The following ENAH variants were observed in gnomAD, a reference collection of about 807,000 sequenced individuals.
The protein encoded by ENAH is ENAH actin regulator.
A neutral mutation model predicts 78.7 loss-of-function variants in ENAH; 23 were observed. That is an observed-to-expected ratio of 0.29 (90% CI 0.21 to 0.41). The LOEUF (loss-of-function observed/expected upper bound fraction) is 0.41. Ranked by LOEUF, ENAH falls within the 10% of genes least tolerant of loss-of-function variation. The pLI, the probability that ENAH is intolerant of heterozygous loss-of-function variation, is 1.00. For missense variants in ENAH, 544 were observed against 691.0 expected (o/e 0.79, Z 2.39); for synonymous variants, 226 against 241.0 (o/e 0.94, Z 0.58).
At chr1:225,514,470 T>C (rs2096401672) in intron 7 of ENAH, 126 bp downstream of exon 7, 1 of 885,228 alleles carries the variant, frequency 1.1e-6, no homozygotes, top group African/African-American at 1.7e-5. Context: ...CCAGGGTAAA[T>C]TATTTCAATT....
chr1:225,650,905 T>G (rs1662872631), intron 1 of ENAH, among the ~76,000 whole-genome samples: 1 of 148,354 alleles, frequency 6.7e-6, no homozygotes, highest in Non-Finnish European at 1.5e-5. Context: ...TTTCTCAATG[T>G]TAAGATAAGT....
intron 3 of ENAH, among the ~76,000 whole-genome samples, chr1:225,549,457 C>G (rs772571218): frequency 6.6e-6 from 1 of 152,150 alleles, no homozygotes; most frequent in African/African-American, 2.4e-5. Flanking sequence ...TTCTCTCCTT[C>G]CCGGCCTGCC....
chr1:225,540,177 T>G (rs2151319621), intron 3 of ENAH, among the ~76,000 whole-genome samples: 1 of 152,310 alleles, frequency 6.6e-6, no homozygotes, highest in Non-Finnish European at 1.5e-5. Context: ...TCTTTCACTC[T>G]GGATGCGAGT....
chr1:225,514,932 A>G, intron 6 of ENAH, 32 bp from the exon 7 acceptor site: 1 of 1,552,802 alleles, frequency 6.4e-7, no homozygotes. Context: ...TAAGACCATC[A>G]ACAATAGAGC....
chr1:225,512,619 A>G (rs376296286), intron 9 of ENAH, 38 bp downstream of exon 9: 5 of 1,580,724 alleles, frequency 3.2e-6, no homozygotes, highest in Admixed American at 1.8e-5. Flanking sequence ...CCTGAATTCC[A>G]TATTTTAAGG....
At chr1:225,584,978 G>C (rs2096837819) in intron 1 of ENAH, among the ~76,000 whole-genome samples, 1 of 152,080 alleles carries the variant, frequency 6.6e-6, no homozygotes, top group Non-Finnish European at 1.5e-5. Context: ...ACTTTGAGAG[G>C]CTGAGGCAGG....
At chr1:225,516,676 C>A (rs1222657736) in intron 6 of ENAH, among the ~76,000 whole-genome samples, 1 of 152,036 alleles carries the variant, frequency 6.6e-6, no homozygotes, top group Non-Finnish European at 1.5e-5. Flanking sequence ...GAGTTCAAGA[C>A]CAGCCTGGCC....
chr1:225,550,735 C>T (rs1040205048), intron 3 of ENAH, among the ~76,000 whole-genome samples: 2 of 151,778 alleles, frequency 1.3e-5, no homozygotes, highest in African/African-American at 4.8e-5. Context: ...TTCTCATGTT[C>T]AATAGATTAA....
intron 2 of ENAH, among the ~76,000 whole-genome samples, chr1:225,566,193 A>G (rs1242972664): frequency 6.6e-6 from 1 of 152,190 alleles, no homozygotes; most frequent in East Asian, 1.9e-4. Context: ...CTGTGCTGAT[A>G]GAAGGATTTC....
chr1:225,587,284 T>C (rs2096852184), intron 1 of ENAH, among the ~76,000 whole-genome samples: 1 of 152,172 alleles, frequency 6.6e-6, no homozygotes, highest in Non-Finnish European at 1.5e-5. Context: ...TGGAAAATCC[T>C]AAGGAATCTA....
chr1:225,562,675 A>G (rs2096714230), intron 2 of ENAH, among the ~76,000 whole-genome samples: 1 of 151,120 alleles, frequency 6.6e-6, no homozygotes, highest in Admixed American at 6.6e-5. Flanking sequence ...TTTATATAAC[A>G]TATTTATATA....
At chr1:225,523,343 T>C (rs2096483838) in intron 4 of ENAH, among the ~76,000 whole-genome samples, 1 of 151,646 alleles carries the variant, frequency 6.6e-6, no homozygotes, top group Admixed American at 6.6e-5. Context: ...GAGGTGAATC[T>C]GAAAGAATTA....
At chr1:225,580,024 T>C (rs1312978037) in intron 1 of ENAH, 3 of 152,166 alleles carry the variant, frequency 2.0e-5, no homozygotes, top group African/African-American at 4.8e-5. Context: ...TGTGTGATTC[T>C]GGTTCCTACT....
intron 1 of ENAH, among the ~76,000 whole-genome samples, chr1:225,625,805 C>T (rs952762333): frequency 6.6e-6 from 1 of 152,176 alleles, no homozygotes; most frequent in African/African-American, 2.4e-5. Context: ...CATGAGCCAC[C>T]ACACCTGGCC....
At position 225,514,643 on chromosome 1, in the gene ENAH, C is replaced by T; in HGVS notation, c.1171G>A (p.Gly391Arg). The T allele has an allele frequency of 6.2e-7, 1 of 1,610,646 alleles. No individual in the cohort carries two copies. Among genetic ancestry groups the T allele is most frequent in the Non-Finnish European group, 8.5e-7 (1 of 1,179,576 alleles). ...SMSEDNRPLTGLAAAIAGAKL... is the reference protein window; with the variant it reads ...SMSEDNRPLTRLAAAIAGAKL... ...GCTCCGGCAATTGCAGCTGCAAGTC[C>T]AGTTAAAGGGCGATTGTCTTCTGAC... Residue 391 changes from glycine to arginine, a missense_variant, in exon 7 of 14, where the codon GGA becomes AGA. Transcript: ENST00000366843.
At chr1:225,512,585 A>G (rs1485228059) in intron 9 of ENAH, 72 bp downstream of exon 9, 1 of 1,424,178 alleles carries the variant, frequency 7.0e-7, no homozygotes, top group East Asian at 2.3e-5. Context: ...ATAAATGCTG[A>G]CACTATTTCC....
At chr1:225,617,822 TTAAG>T (rs1433339950) in intron 1 of ENAH, among the ~76,000 whole-genome samples, 13 of 152,192 alleles carry the variant, frequency 8.5e-5, no homozygotes, top group African/African-American at 2.9e-4. Context: ...AGAAAGCACC[TTAAG>T]TCTCTCCCCT....
intron 12 of ENAH, 45 bp downstream of exon 12, chr1:225,500,947 A>G (rs2096278979): frequency 2.6e-6 from 4 of 1,564,750 alleles, no homozygotes; most frequent in Non-Finnish European, 3.5e-6. Context: ...TATTTTTTAA[A>G]AAGAAACAAG....
At chr1:225,648,975 T>C (rs17503834) in intron 1 of ENAH, among the ~76,000 whole-genome samples, 13,180 of 152,076 alleles carry the variant, frequency 0.087, 687 homozygotes, top group Non-Finnish European at 0.12. Context: ...TTGACATCCT[T>C]GAGCTAAATA....
Sources: gnomAD v4.1 joint callset for allele counts (sites outside exome capture counted in the v4.1 genomes callset) on GRCh38, gnomAD v4.1.1 for gene constraint, MANE v1.5 for transcripts, NCBI Gene and HGNC (gene_info 2026-07-23, HGNC 2026-07-21) for gene names.